Variants in GNAQ observed in about 807,000 individuals in gnomAD.
GNAQ encodes the protein guanine nucleotide-binding protein G(q) subunit alpha.
In GNAQ, 8 loss-of-function variants were observed where a neutral mutation model predicts 43.9. The ratio of observed to expected loss-of-function variants is 0.18; its 90% confidence interval spans 0.11 to 0.33. The LOEUF (loss-of-function observed/expected upper bound fraction) is 0.33. GNAQ is among the 10% of genes least tolerant of loss of function. The pLI is 1.00. For synonymous variants in GNAQ, 155 were observed against 170.7 expected (o/e 0.91, Z 0.71); for missense variants, 158 against 450.8 (o/e 0.35, Z 5.88).
At chr9:77,779,729 A>G (rs1223136887) in intron 5 of GNAQ, among the ~76,000 whole-genome samples, 1 of 151,570 alleles carries the variant, frequency 6.6e-6, no homozygotes, top group Admixed American at 6.6e-5. Context: ...TAGTATCAGA[A>G]ATCAAAGAGT....
chr9:77,828,059 CAAA>C (rs71360654), intron 2 of GNAQ, among the ~76,000 whole-genome samples: 119 of 19,222 alleles, frequency 6.2e-3, no homozygotes, highest in African/African-American at 0.022. Context: ...GACTCCTCCT[CAAA>C]AAAAAAAAAA....
chr9:77,941,281 G>A (rs111915205), intron 1 of GNAQ, among the ~76,000 whole-genome samples: 1,870 of 150,362 alleles, frequency 0.012, 48 homozygotes, highest in African/African-American at 0.044. Context: ...ACAGAGTCTC[G>A]CTCTGTCACC....
chr9:77,881,140 C>T (rs2118066192), intron 2 of GNAQ, among the ~76,000 whole-genome samples: 1 of 152,174 alleles, frequency 6.6e-6, no homozygotes, highest in Non-Finnish European at 1.5e-5. Flanking sequence ...TATTTTGTTC[C>T]CATAATATAG....
At chr9:77,993,570 C>T (rs1823534558) in intron 1 of GNAQ, among the ~76,000 whole-genome samples, 1 of 151,836 alleles carries the variant, frequency 6.6e-6, no homozygotes, top group Non-Finnish European at 1.5e-5. Flanking sequence ...GGCATGGTGA[C>T]ACGTGCCTGT....
intron 1 of GNAQ, among the ~76,000 whole-genome samples, chr9:77,984,048 GCAAAAAAAA>G (rs1364074352): frequency 4.0e-5 from 1 of 24,712 alleles, no homozygotes; most frequent in African/African-American, 2.1e-4. Flanking sequence ...ATTTTGGAGA[GCAAAAAAAA>G]AAAAAAAAAA....
At chr9:77,949,623 A>C (rs374166440) in intron 1 of GNAQ, among the ~76,000 whole-genome samples, 3 of 152,264 alleles carry the variant, frequency 2.0e-5, no homozygotes, top group African/African-American at 7.2e-5. Context: ...ACAGCTCTGG[A>C]AAATTGGCAT....
intron 2 of GNAQ, among the ~76,000 whole-genome samples, chr9:77,855,569 G>C (rs1360676344): frequency 3.3e-5 from 5 of 151,946 alleles, no homozygotes. Context: ...TGAAAACACA[G>C]CCCATGTCTA....
chr9:77,916,941 C>G (rs1390508399), intron 2 of GNAQ, among the ~76,000 whole-genome samples: 1 of 152,116 alleles, frequency 6.6e-6, no homozygotes, highest in African/African-American at 2.4e-5. Context: ...ACAATACCAC[C>G]CTTATTTCAC....
chr9:77,994,386 A>G (rs1283661381), intron 1 of GNAQ, among the ~76,000 whole-genome samples: 3 of 152,190 alleles, frequency 2.0e-5, no homozygotes, highest in African/African-American at 7.2e-5. Flanking sequence ...ATTTTTTGAT[A>G]CCAGGAATAT....
intron 5 of GNAQ, among the ~76,000 whole-genome samples, chr9:77,787,151 C>A (rs1337676767): frequency 1.3e-5 from 2 of 152,124 alleles, no homozygotes; most frequent in Non-Finnish European, 2.9e-5. Flanking sequence ...AAAAAATACA[C>A]TACTTGATTC....
At position 77,997,333 on chromosome 9, in the gene GNAQ, A is replaced by C. The variant is rs116078328; in HGVS notation, c.136+33767T>G. 9.3e-3 allele frequency among the ~76,000 whole-genome samples: 1,412 copies of C among 152,240 alleles called. 27 individuals carry two copies. The highest frequency in any genetic ancestry group is 0.031 in the African/African-American group (1,306 of 41,538). On this transcript the variant is annotated intron_variant, in intron 1 of 6. Coordinates refer to ENST00000286548, the MANE Select transcript of GNAQ (RefSeq NM_002072.5). ...CTTCAGCCCCCTCCTACATTCAATC[A>C]GCATGCCTGCCCTCCCACCCACTCT... is the stretch of plus-strand genomic sequence containing the variant.
At chr9:77,976,107 TTC>T (rs780893323) in intron 1 of GNAQ, among the ~76,000 whole-genome samples, 2 of 152,250 alleles carry the variant, frequency 1.3e-5, no homozygotes, top group Non-Finnish European at 2.9e-5. Context: ...TATCATTTCA[TTC>T]TGATTCCATT....
At chr9:77,820,081 A>G (rs1371019541) in intron 2 of GNAQ, among the ~76,000 whole-genome samples, 2 of 109,356 alleles carry the variant, frequency 1.8e-5, no homozygotes, top group South Asian at 6.6e-4. Flanking sequence ...CTAGTTATTT[A>G]AAATGCAAAA....
At chr9:77,879,917 C>T (rs1357458423) in intron 2 of GNAQ, among the ~76,000 whole-genome samples, 1 of 152,154 alleles carries the variant, frequency 6.6e-6, no homozygotes, top group East Asian at 1.9e-4. Context: ...TATTTTACAG[C>T]CCCTGTCTGG....
intron 3 of GNAQ, among the ~76,000 whole-genome samples, chr9:77,811,749 T>TG (rs1327927454): frequency 1.3e-5 from 2 of 152,214 alleles, no homozygotes; most frequent in African/African-American, 4.8e-5. Context: ...TCGGGCCTCC[T>TG]GGCACAGTGG....
chr9:77,967,972 C>G (rs1282310603), intron 1 of GNAQ, among the ~76,000 whole-genome samples: 3 of 151,984 alleles, frequency 2.0e-5, no homozygotes, highest in Non-Finnish European at 4.4e-5. Flanking sequence ...AAGAATGAAA[C>G]TCCATCTAAA....
intron 1 of GNAQ, among the ~76,000 whole-genome samples, chr9:77,941,792 C>T (rs1043602180): frequency 2.0e-5 from 3 of 152,044 alleles, no homozygotes; most frequent in African/African-American, 7.2e-5. Context: ...TGTTTTATTA[C>T]GTTTAACTAA....
At chr9:77,731,199 G>C (rs1825481738) in intron 5 of GNAQ, among the ~76,000 whole-genome samples, 1 of 152,124 alleles carries the variant, frequency 6.6e-6, no homozygotes, top group Non-Finnish European at 1.5e-5. Flanking sequence ...GCAGAGACAG[G>C]GAGGGGAAGT....
At chr9:77,843,683 A>G (rs1270958427) in intron 2 of GNAQ, among the ~76,000 whole-genome samples, 1 of 152,216 alleles carries the variant, frequency 6.6e-6, no homozygotes, top group Non-Finnish European at 1.5e-5. Flanking sequence ...AGGTGGAAGT[A>G]AAAGGAAGTC....
Sources: gnomAD v4.1 joint callset for allele counts (sites outside exome capture counted in the v4.1 genomes callset) on GRCh38, gnomAD v4.1.1 for gene constraint, MANE v1.5 for transcripts, NCBI Gene and HGNC (gene_info 2026-07-23, HGNC 2026-07-21) for gene names.